The following PLIN5 variants were observed in gnomAD, a reference collection of about 807,000 sequenced individuals.
The protein encoded by PLIN5 is perilipin-5.
In PLIN5, 34 loss-of-function variants were observed where a neutral mutation model predicts 32.8. The observed-to-expected ratio is 1.04, with a 90% CI of 0.79 to 1.38. PLIN5 has a LOEUF of 1.38. Ranked by LOEUF, PLIN5 falls within the 40% of genes most tolerant of loss-of-function variation. The pLI is 0.00. For missense variants in PLIN5, 712 were observed against 660.5 expected, an observed-to-expected ratio of 1.08 and a Z score of -0.85; for synonymous variants, 309 against 292.9, an observed-to-expected ratio of 1.05 and a Z score of -0.56.
intron 4 of PLIN5, 179 bp from the exon 5 acceptor site, chr19:4,529,432 A>G (rs10412692): frequency 4.7e-6 from 3 of 633,508 alleles, no homozygotes; most frequent in East Asian, 5.6e-5. Context: ...GAGGGAGTTA[A>G]CTGCCCTTAC....
chr19:4,533,705 A>C (rs1208474105), intron 2 of PLIN5: 3 of 512,880 alleles, frequency 5.8e-6, no homozygotes, highest in African/African-American at 5.7e-5. Flanking sequence ...GTTGTTACTG[A>C]GGGCGCCATG....
intron 5 of PLIN5, among the ~76,000 whole-genome samples, chr19:4,527,074 GA>G (rs1246809076): frequency 2.0e-5 from 3 of 148,516 alleles, no homozygotes; most frequent in East Asian, 2.0e-4. Flanking sequence ...CCATCTCTAA[GA>G]AAAAAAATTT....
chr19:4,527,979 T>G (rs982135291), intron 5 of PLIN5, among the ~76,000 whole-genome samples: 4 of 151,500 alleles, frequency 2.6e-5, no homozygotes, highest in African/African-American at 9.7e-5. Flanking sequence ...GTGCGATCTC[T>G]GCTCACTGCA....
rs767064292 is a variant in PLIN5 at position 4,531,626 on chromosome 19, C to T, written c.256+1G>A. 1.1e-4 allele frequency: 167 copies of T among 1,514,452 alleles called. 1 individual carries two copies. The highest frequency in any genetic ancestry group is 8.9e-4 in the South Asian group (71 of 80,202). The allele number at this position is 1,514,452 out of a possible 1,614,324, so 93.8% of individuals were successfully genotyped here. ...CCAGGGACACGGGCCAGGGCACTCA[C>T]GCTGGGGCTGCAGGTGCTCGAGCAG... On this transcript the variant is annotated splice_donor_variant, in intron 3 of 7. Transcript: ENST00000381848. LOFTEE classifies it high-confidence loss of function.
At chr19:4,524,697 C>G (rs899847655) in intron 7 of PLIN5, among the ~76,000 whole-genome samples, 4 of 151,984 alleles carry the variant, frequency 2.6e-5, no homozygotes, top group Non-Finnish European at 4.4e-5. Flanking sequence ...CCTTTCCCCC[C>G]ACCTCCCTCC....
rs1388074393 is a variant in PLIN5 at position 4,523,859 on chromosome 19, G to A, written c.1061C>T (p.Ala354Val). 10 of 1,550,130 alleles carry A rather than the reference G, an allele frequency of 6.5e-6. No homozygotes were observed. The African/African-American group carries it at 7.0e-5, about 11-fold the overall frequency. ...CAGCAGCTCGTCCACGCAGGCGTGC[G>A]CGTGGGCCACGCGACCCCGGCCCTC... Reference protein sequence around the residue: ...LAEGRGRVAHAHACVDELLEL... With the variant: ...LAEGRGRVAHVHACVDELLEL... The change falls in exon 8 of 8, where the codon GCG becomes GTG. Residue 354 changes from alanine to valine, a missense_variant. Ala to Val is a moderately conservative substitution (Grantham distance 64, BLOSUM62 0). Coordinates refer to ENST00000381848, the MANE Select transcript of PLIN5 (RefSeq NM_001013706.3). The surrounding 1 kb of genome is among the most constrained non-coding windows in gnomAD (Gnocchi z 5.0).
At chr19:4,528,147 G>T (rs1394239417) in intron 5 of PLIN5, among the ~76,000 whole-genome samples, 1 of 151,988 alleles carries the variant, frequency 6.6e-6, no homozygotes, top group African/African-American at 2.4e-5. Context: ...CTGACCTCGT[G>T]ATCGGCCCGC....
At chr19:4,530,775 C>T (rs927996713) in intron 3 of PLIN5, among the ~76,000 whole-genome samples, 5 of 151,958 alleles carry the variant, frequency 3.3e-5, no homozygotes, top group Admixed American at 6.6e-5. Flanking sequence ...CAGGTTCAAG[C>T]GATTCTCCTG....
At chr19:4,531,100 A>G (rs1233410580) in intron 3 of PLIN5, among the ~76,000 whole-genome samples, 3 of 151,530 alleles carry the variant, frequency 2.0e-5, no homozygotes, top group Non-Finnish European at 4.4e-5. Context: ...TCCCGGGTTC[A>G]AGCAATTCTC....
rs1040452907 is a variant in PLIN5 at position 4,522,754 on chromosome 19, C to T, written c.*774G>A. On this transcript the variant is annotated 3_prime_UTR_variant, in exon 8 of 8. Transcript: ENST00000381848. ...CGAGAGCGCAGGGGCAAGATCATGG[C>T]TCACTGCAGCCTCCAACTCCTGGGC... 1.3e-5 allele frequency: 2 copies of T among 152,230 alleles called. No individual in the cohort carries two copies. The highest frequency in any genetic ancestry group is 4.8e-5 in the African/African-American group (2 of 41,398). 9.4% of individuals were successfully genotyped at this position (152,230 alleles called of 1,614,324 possible).
chr19:4,528,818 G>T (rs992856156), intron 5 of PLIN5: 6 of 397,086 alleles, frequency 1.5e-5, no homozygotes, highest in Middle Eastern at 6.3e-4. Flanking sequence ...ACAGGCATTT[G>T]GGGGCCACCA....
chr19:4,529,175 T>C lies in PLIN5; in HGVS notation c.418A>G (p.Ser140Gly), dbSNP rs772652071. 3 of 1,613,168 alleles carry C rather than the reference T, an allele frequency of 1.9e-6. No individual in the cohort carries two copies. Among genetic ancestry groups the C allele is most frequent in the Non-Finnish European group, 1.7e-6 (2 of 1,179,934 alleles). The change falls in exon 5 of 8, where the codon AGC (serine) becomes GGC (glycine). Residue 140 changes from serine to glycine, a missense_variant. Coordinates refer to ENST00000381848, the MANE Select transcript of PLIN5 (RefSeq NM_001013706.3). ...CTCACGGAGCGCTTCAGCTCCACGC[T>C]CCAGCGCCGGCCCCTCCGGGCCAGG... ...VDLARRGRRW[S>G]VELKRSVSHA...
Position 4,525,571 on chromosome 19 carries a change from T to G in PLIN5, c.720+62A>C. ...GCTAGCACGGGATCCGGTATTCAGC[T>G]GGTGCTCAATCCATACTGATTGGCC... On this transcript the variant is annotated intron_variant, in intron 6 of 7. Transcript: ENST00000381848. The surrounding 1 kb of genome is among the most constrained non-coding windows in gnomAD (Gnocchi z 5.6). 1 of 1,578,768 alleles carries G rather than the reference T, an allele frequency of 6.3e-7. No individual in the cohort carries two copies. The highest frequency in any genetic ancestry group is 2.2e-5 in the East Asian group (1 of 44,642).
rs777290476 is a variant in PLIN5, at chr19:4,523,677, G to C, written c.1243C>G (p.Gln415Glu). The C allele has an allele frequency of 6.2e-7, 1 of 1,608,254 alleles. No individual in the cohort carries two copies. The highest frequency in any genetic ancestry group is 8.5e-7 in the Non-Finnish European group (1 of 1,179,808). Reference sequence around the variant, plus strand: ...TGCTCTGCCTCCCAGGCTCTCTGCTGGGCCGGCCAGTCCAGGTGCGCCCAG... The same window carrying C: ...TGCTCTGCCTCCCAGGCTCTCTGCTCGGCCGGCCAGTCCAGGTGCGCCCAG... The part of the protein sequence containing the change: ...PRWAHLDWPA[Q>E]QRAWEAEHRD... The change falls in exon 8 of 8, where the codon CAG becomes GAG. Residue 415 changes from glutamine to glutamate, a missense_variant. Coordinates refer to ENST00000381848, the MANE Select transcript of PLIN5 (RefSeq NM_001013706.3). This position sits in a 1 kb window ranked among gnomAD's most constrained non-coding sequence, Gnocchi z 5.0.
chr19:4,529,905 G>T, intron 3 of PLIN5, 39 bp from the exon 4 acceptor site: 1 of 1,385,208 alleles, frequency 7.2e-7, no homozygotes, highest in Non-Finnish European at 1.0e-6. Context: ...TCGGGGAGAC[G>T]CAGAGGGAGA....
In PLIN5 at chr19:4,523,816, G is replaced by A. The variant is rs746884545; in HGVS notation, c.1104C>T (p.Ala368=). ...VDELLELVVQ[A]VPLPWLVGPF... The stretch of plus-strand genomic sequence containing the variant: ...GTCCCACCAGCCAGGGCAGCGGCAC[G>A]GCCTGCACCACCAGCTCCAGCAGCT... Residue 368 remains alanine, a synonymous_variant, in exon 8 of 8, where the codon GCC becomes GCT. Transcript: ENST00000381848. This position sits in a 1 kb window ranked among gnomAD's most constrained non-coding sequence, Gnocchi z 5.0. The A allele has an allele frequency of 1.9e-5, 31 of 1,593,576 alleles. 1 individual carries two copies. The highest frequency in any genetic ancestry group is 1.9e-4 in the South Asian group (17 of 90,486).
chr19:4,526,613 G>A (rs1976806832), intron 5 of PLIN5, among the ~76,000 whole-genome samples: 1 of 152,070 alleles, frequency 6.6e-6, no homozygotes, highest in Non-Finnish European at 1.5e-5. Context: ...GGCCGAGATG[G>A]GAGGATTGCT....
In PLIN5 at chr19:4,529,860, G is replaced by T. The variant is rs1177638810; in HGVS notation, c.263C>A (p.Thr88Asn). Reference sequence around the variant, plus strand: ...GCCCCTGCAGGCGAGGCTGTTCATAGTGGCCACTGAAGGGAGAGAGGCGGG... The same window carrying T: ...GCCCCTGCAGGCGAGGCTGTTCATATTGGCCACTGAAGGGAGAGAGGCGGG... ...LLEHLQPQLATMNSLACRGLD... is the reference protein window; with the variant it reads ...LLEHLQPQLANMNSLACRGLD... Residue 88 changes from threonine (T) to asparagine (N), a missense_variant, in exon 4 of 8, where the codon ACT (threonine) becomes AAT (asparagine). Transcript: ENST00000381848. 1.2e-6 allele frequency: 2 copies of T among 1,602,580 alleles called. No individual in the cohort carries two copies. Among genetic ancestry groups the T allele is most frequent in the African/African-American group, 2.7e-5 (2 of 74,628 alleles).
intron 1 of PLIN5, among the ~76,000 whole-genome samples, chr19:4,534,886 C>G (rs965428136): frequency 4.6e-5 from 7 of 152,210 alleles, no homozygotes; most frequent in African/African-American, 1.7e-4. Context: ...ATGCTGGTCC[C>G]AAGGTCACGC....
Sources: gnomAD v4.1 joint callset for allele counts (sites outside exome capture counted in the v4.1 genomes callset) on GRCh38, gnomAD v4.1.1 for gene constraint, Gnocchi (gnomAD v3.1) non-coding constraint, MANE v1.5 for transcripts, NCBI Gene and HGNC (gene_info 2026-07-23, HGNC 2026-07-21) for gene names.